The following SNAPC3 variants were observed in gnomAD, a reference collection of about 807,000 sequenced individuals.
The protein encoded by SNAPC3 is small nuclear RNA activating complex polypeptide 3.
A neutral mutation model predicts 47.7 loss-of-function variants in SNAPC3; 56 were observed. That is an observed-to-expected ratio of 1.18 (90% CI 0.95 to 1.47). The LOEUF (loss-of-function observed/expected upper bound fraction) is 1.47. Ranked by LOEUF, SNAPC3 falls within the 40% of genes most tolerant of loss-of-function variation. The pLI is 0.00. For synonymous variants in SNAPC3, 235 were observed against 189.9 expected, an observed-to-expected ratio of 1.24 and a Z score of -1.95; for missense variants, 665 against 511.3, an observed-to-expected ratio of 1.30 and a Z score of -2.90.
intron 2 of SNAPC3, among the ~76,000 whole-genome samples, chr9:15,426,987 C>G (rs988469303): frequency 2.6e-5 from 4 of 152,146 alleles, no homozygotes; most frequent in African/African-American, 9.7e-5. Flanking sequence ...TTTCTCTGAA[C>G]CTTCCTTTTC....
chr9:15,454,807 A>G (rs1050751111), intron 7 of SNAPC3, among the ~76,000 whole-genome samples: 13 of 152,224 alleles, frequency 8.5e-5, no homozygotes, highest in Non-Finnish European at 1.3e-4. Context: ...GGTGGTGGGC[A>G]CCTGTAGTCC....
intron 8 of SNAPC3, 122 bp downstream of exon 8, chr9:15,458,189 A>G: frequency 1.8e-6 from 1 of 548,780 alleles, no homozygotes; most frequent in Non-Finnish European, 3.2e-6. Flanking sequence ...AGTATCATCT[A>G]GTAGGGAAGT....
downstream of SNAPC3, chr9:15,464,610 A>G (rs1488962864): frequency 5.1e-6 from 1 of 197,508 alleles, no homozygotes; most frequent in East Asian, 8.0e-5. Flanking sequence ...ACATTTATTC[A>G]TATTTATTGT....
chr9:15,452,214 C>T (rs966413781), intron 6 of SNAPC3, among the ~76,000 whole-genome samples: 4 of 152,084 alleles, frequency 2.6e-5, no homozygotes, highest in Admixed American at 6.5e-5. Flanking sequence ...CCGACTGCAT[C>T]GGCCTCCCAA....
At chr9:15,455,531 C>T (rs1374795587) in intron 7 of SNAPC3, among the ~76,000 whole-genome samples, 2 of 151,990 alleles carry the variant, frequency 1.3e-5, no homozygotes, top group African/African-American at 2.4e-5. Context: ...CGTGCCATTG[C>T]ACTCCATCCT....
rs951050676 is a variant in SNAPC3 at position 15,455,708 on chromosome 9, T to C, written c.981-2252T>C. On this transcript the variant is annotated intron_variant, in intron 7 of 8. Transcript: ENST00000380821. ...CTTATTTTTCATATATTTTTCTTTT[T>C]TTTTTTTTGAGACGGAGTTTCGCTC... Among the ~76,000 whole-genome samples, 11 of 151,962 alleles carry C rather than the reference T, an allele frequency of 7.2e-5. No individual in the cohort carries two copies. The East Asian group carries it at 1.4e-3, about 19-fold the overall frequency.
chr9:15,427,793 C>CA (rs1447077874), intron 2 of SNAPC3, among the ~76,000 whole-genome samples: 1 of 151,996 alleles, frequency 6.6e-6, no homozygotes, highest in Non-Finnish European at 1.5e-5. Flanking sequence ...CCTGCAAAAA[C>CA]AAAAAACAAA....
At chr9:15,465,240 A>T (rs2035538181), downstream of SNAPC3, 3 of 362,108 alleles carry the variant, frequency 8.3e-6, no homozygotes, top group Non-Finnish European at 1.5e-5. Context: ...TAACATACAC[A>T]CACTAATTGA....
chr9:15,451,542 C>T (rs1160057512), intron 6 of SNAPC3, 140 bp downstream of exon 6: 1 of 441,418 alleles, frequency 2.3e-6, no homozygotes, highest in African/African-American at 2.0e-5. Flanking sequence ...GCATTACATA[C>T]ATCCAAAAAA....
At chr9:15,462,871 C>T (rs1295326990), downstream of SNAPC3, 1 of 152,110 alleles carries the variant, frequency 6.6e-6, no homozygotes, top group Non-Finnish European at 1.5e-5. Context: ...TTAGAGCATC[C>T]TTTTTCTGGC....
At chr9:15,426,378 C>T (rs563705956) in intron 2 of SNAPC3, among the ~76,000 whole-genome samples, 7 of 152,166 alleles carry the variant, frequency 4.6e-5, no homozygotes, top group Non-Finnish European at 8.8e-5. Flanking sequence ...CCCTATGCTT[C>T]CCTATTGAAA....
chr9:15,449,040 C>G (rs370058575), intron 5 of SNAPC3, among the ~76,000 whole-genome samples: 2 of 152,116 alleles, frequency 1.3e-5, no homozygotes, highest in Non-Finnish European at 2.9e-5. Flanking sequence ...GAACTCCTGA[C>G]TTCAGGTGAT....
At chr9:15,447,071 A>T (rs764072408) in intron 4 of SNAPC3, 24 bp from the exon 5 acceptor site, 1 of 1,606,256 alleles carries the variant, frequency 6.2e-7, no homozygotes, top group South Asian at 1.1e-5. Context: ...CTAAATGAAC[A>T]CTTATTTATT....
chr9:15,443,869 C>G (rs1391866382), intron 3 of SNAPC3, among the ~76,000 whole-genome samples: 2 of 152,230 alleles, frequency 1.3e-5, no homozygotes, highest in Non-Finnish European at 2.9e-5. Flanking sequence ...TGAAAAGCAG[C>G]AACTTCTCTC....
rs1451362360 is a variant in SNAPC3 at position 15,423,170 on chromosome 9, G to T, written c.291G>T (p.Ala97=). ...ARDLDCSLEA[A]AELRAVCGLD... Reference sequence around the variant, plus strand: ...ATCTGGACTGCAGCCTGGAGGCGGCGGCTGAGCTGAGGGCGGTGTGCGGGT... The same window carrying T: ...ATCTGGACTGCAGCCTGGAGGCGGCTGCTGAGCTGAGGGCGGTGTGCGGGT... Residue 97 remains alanine (A), a synonymous_variant, in exon 1 of 9, where the codon GCG becomes GCT. Coordinates refer to ENST00000380821, the MANE Select transcript of SNAPC3 (RefSeq NM_001039697.2). 1.3e-6 allele frequency: 2 copies of T among 1,576,114 alleles called. No individual in the cohort carries two copies. Among genetic ancestry groups the T allele is most frequent in the East Asian group, 4.6e-5 (2 of 43,464 alleles).
chr9:15,441,653 C>T (rs950829509), intron 3 of SNAPC3, among the ~76,000 whole-genome samples: 6 of 152,010 alleles, frequency 3.9e-5, no homozygotes, highest in Non-Finnish European at 7.4e-5. Context: ...TTGCACCGCC[C>T]TTAATCCATT....
At position 15,423,211 on chromosome 9, in the gene SNAPC3, G is replaced by T. The variant is rs1353760785; in HGVS notation, c.314+18G>T. ...GTGTGCGGGTGAGTGCGGAGCAAAGGGGCTCTTGCAGCTTGGGGTCAAACA... is the reference window on the plus strand; with the variant it reads ...GTGTGCGGGTGAGTGCGGAGCAAAGTGGCTCTTGCAGCTTGGGGTCAAACA... On this transcript the variant is annotated intron_variant, in intron 1 of 8. Coordinates refer to ENST00000380821, the MANE Select transcript of SNAPC3 (RefSeq NM_001039697.2). 1 of 1,562,942 alleles carries T rather than the reference G, an allele frequency of 6.4e-7. No homozygotes were observed. The highest frequency in any genetic ancestry group is 2.3e-5 in the East Asian group (1 of 42,642).
intron 5 of SNAPC3, among the ~76,000 whole-genome samples, chr9:15,448,122 AT>A: frequency 6.6e-6 from 1 of 152,198 alleles, no homozygotes; most frequent in Non-Finnish European, 1.5e-5. Context: ...GTAAAAAGAT[AT>A]TTGGAACAAC....
chr9:15,464,774 G>A (rs527542739), downstream of SNAPC3: 7 of 206,070 alleles, frequency 3.4e-5, no homozygotes, highest in Non-Finnish European at 4.0e-5. Context: ...CCTAAAGCCA[G>A]ATTCATTCCT....
Sources: gnomAD v4.1 joint callset for allele counts (sites outside exome capture counted in the v4.1 genomes callset) on GRCh38, gnomAD v4.1.1 for gene constraint, MANE v1.5 for transcripts, NCBI Gene and HGNC (gene_info 2026-07-23, HGNC 2026-07-21) for gene names.